The following SCN8A variants were observed in gnomAD, a reference collection of about 807,000 sequenced individuals.
The protein encoded by SCN8A is sodium channel protein type 8 subunit alpha.
A neutral mutation model predicts 184.1 loss-of-function variants in SCN8A; 30 were observed. The ratio of observed to expected loss-of-function variants is 0.16; its 90% CI spans 0.12 to 0.22. The LOEUF (loss-of-function observed/expected upper bound fraction) is 0.22, where lower values mean the gene tolerates loss of function less well. SCN8A is among the 10% of genes least tolerant of loss of function. The pLI, the probability that SCN8A is intolerant of heterozygous loss-of-function variation, is 1.00. For missense variants in SCN8A, 1,057 were observed against 2,498.9 expected (o/e 0.42, Z 12.30); for synonymous variants, 852 against 907.0 (o/e 0.94, Z 1.09).
intron 20 of SCN8A, among the ~76,000 whole-genome samples, chr12:51,779,780 G>A (rs1937837588): frequency 1.3e-5 from 2 of 152,176 alleles, no homozygotes; most frequent in South Asian, 4.1e-4. Flanking sequence ...ACAGACCTGA[G>A]GATAATTCAT....
At chr12:51,747,083 G>C (rs1044245198) in intron 13 of SCN8A, among the ~76,000 whole-genome samples, 8 of 83,824 alleles carry the variant, frequency 9.5e-5, no homozygotes, top group East Asian at 3.3e-4. Flanking sequence ...CTTCTACTCT[G>C]TGTGTATGTG....
intron 9 of SCN8A, among the ~76,000 whole-genome samples, chr12:51,704,082 G>A (rs1200610916): frequency 6.6e-6 from 1 of 151,638 alleles, no homozygotes; most frequent in Admixed American, 6.6e-5. Context: ...AATAGAGACG[G>A]GGTTTCACCA....
At chr12:51,793,413 T>C (rs1938320571) in intron 25 of SCN8A, among the ~76,000 whole-genome samples, 2 of 151,946 alleles carry the variant, frequency 1.3e-5, no homozygotes, top group African/African-American at 2.4e-5. Flanking sequence ...GGCTTGGACA[T>C]GGTAAGTTTG....
At chr12:51,645,901 G>A (rs1168973328) in intron 1 of SCN8A, among the ~76,000 whole-genome samples, 3 of 143,104 alleles carry the variant, frequency 2.1e-5, no homozygotes, top group Non-Finnish European at 3.0e-5. Context: ...CTATTGTCCT[G>A]TGACCCTGCC....
At chr12:51,747,204 T>C (rs1316998779) in intron 13 of SCN8A, among the ~76,000 whole-genome samples, 1 of 151,982 alleles carries the variant, frequency 6.6e-6, no homozygotes, top group Non-Finnish European at 1.5e-5. Context: ...TCCCCACATA[T>C]GTGCAAAGAA....
intron 5 of SCN8A, 31 bp from the exon 6 acceptor site, chr12:51,688,974 T>G (rs749651265): frequency 1.3e-6 from 2 of 1,597,452 alleles, no homozygotes; most frequent in Non-Finnish European, 1.7e-6. Flanking sequence ...TGTTTGTCAC[T>G]TGTGTCTGTG....
chr12:51,790,831 C>G (rs1477670605), intron 25 of SCN8A, among the ~76,000 whole-genome samples: 5 of 152,158 alleles, frequency 3.3e-5, no homozygotes, highest in African/African-American at 4.8e-5. Context: ...TAAAGTTGCT[C>G]TCTTTCCTGC....
At position 51,715,418 on chromosome 12, in the gene SCN8A, G is replaced by A. The variant is rs1020043440; in HGVS notation, c.1636-6128G>A. 2.0e-5 allele frequency among the ~76,000 whole-genome samples: 3 copies of A among 152,036 alleles called. No individual in the cohort carries two copies. In the South Asian group the frequency reaches 6.2e-4, roughly 32 times the overall value. On this transcript the variant is annotated intron_variant, in intron 11 of 26. Transcript: ENST00000627620. ...CAAGAGGGCAGGGACCATGTCATAT[G>A]TCTCGTTCACCACTGTATCCACACC...
intron 26 of SCN8A, among the ~76,000 whole-genome samples, chr12:51,802,934 C>T (rs1406608078): frequency 6.6e-6 from 1 of 152,172 alleles, no homozygotes; most frequent in African/African-American, 2.4e-5. Context: ...AACCCCAAAA[C>T]CAACTAAAGA....
At chr12:51,680,502 T>C (rs1478886729) in intron 2 of SCN8A, among the ~76,000 whole-genome samples, 1 of 152,218 alleles carries the variant, frequency 6.6e-6, no homozygotes, top group East Asian at 1.9e-4. Flanking sequence ...CTTTTGTTTT[T>C]CTTCTTCTCC....
intron 1 of SCN8A, among the ~76,000 whole-genome samples, chr12:51,615,269 G>A (rs932732007): frequency 6.6e-6 from 1 of 152,104 alleles, no homozygotes; most frequent in Non-Finnish European, 1.5e-5. Flanking sequence ...AGAAATGTTA[G>A]TACCACCAGG....
intron 1 of SCN8A, among the ~76,000 whole-genome samples, chr12:51,627,977 A>G (rs1366032333): frequency 6.6e-6 from 1 of 152,202 alleles, no homozygotes; most frequent in African/African-American, 2.4e-5. Context: ...AAACCTTTGG[A>G]GACTAATGCT....
chr12:51,645,058 C>A (rs1353103024), intron 1 of SCN8A, among the ~76,000 whole-genome samples: 50 of 151,446 alleles, frequency 3.3e-4, no homozygotes, highest in Non-Finnish European at 5.8e-4. Context: ...CGGCCAGCCG[C>A]CCCGTCCGGG....
intron 2 of SCN8A, among the ~76,000 whole-genome samples, chr12:51,670,598 T>A (rs943426258): frequency 6.6e-6 from 1 of 151,978 alleles, no homozygotes; most frequent in Non-Finnish European, 1.5e-5. Context: ...CTACTGAAGG[T>A]TCTGGAATGG....
intron 7 of SCN8A, 107 bp from the exon 8 acceptor site, chr12:51,701,037 G>A: frequency 1.5e-6 from 1 of 673,504 alleles, no homozygotes; most frequent in Non-Finnish European, 2.6e-6. Flanking sequence ...AGATTTATGA[G>A]CTAAAGTCAA....
intron 1 of SCN8A, among the ~76,000 whole-genome samples, chr12:51,645,164 G>A (rs1274833779): frequency 1.3e-5 from 2 of 149,384 alleles, no homozygotes; most frequent in Non-Finnish European, 3.0e-5. Flanking sequence ...GAAGTGAGGA[G>A]CCCCTCTGCC....
chr12:51,737,941 A>G (rs1942354712), intron 12 of SCN8A, among the ~76,000 whole-genome samples: 1 of 152,104 alleles, frequency 6.6e-6, no homozygotes, highest in African/African-American at 2.4e-5. Context: ...CTATGTGCCC[A>G]TTTTCTGATT....
chr12:51,756,793 A>G (rs1490332818), intron 14 of SCN8A, among the ~76,000 whole-genome samples: 1 of 152,216 alleles, frequency 6.6e-6, no homozygotes. Context: ...CTCTACCGGC[A>G]TGCCCACCTA....
chr12:51,732,796 A>G (rs1002935616), intron 12 of SCN8A, among the ~76,000 whole-genome samples: 1 of 152,076 alleles, frequency 6.6e-6, no homozygotes, highest in African/African-American at 2.4e-5. Context: ...ATTAATTACT[A>G]GGTATTTAAT....
Sources: allele counts gnomAD v4.1 joint callset (sites outside exome capture counted in the v4.1 genomes callset), GRCh38; gene constraint gnomAD v4.1.1; transcripts MANE v1.5; gene names NCBI Gene and HGNC (gene_info 2026-07-23, HGNC 2026-07-21).